Variants in PCCB observed in about 807,000 individuals in gnomAD.
PCCB encodes the protein propionyl-CoA carboxylase beta chain, mitochondrial.
Under a neutral mutation model 60.7 loss-of-function variants are expected in PCCB, and 43 were observed. That is an observed-to-expected ratio of 0.71 (90% CI 0.55 to 0.91). PCCB has a LOEUF of 0.91. Ranked by LOEUF, PCCB falls within the 40% of genes least tolerant of loss-of-function variation. The probability of loss-of-function intolerance (pLI) is 0.00; values close to 1 mark genes in which losing one functional copy is unlikely to be tolerated. For synonymous variants in PCCB, 276 were observed against 255.9 expected, an observed-to-expected ratio of 1.08 and a Z score of -0.75; for missense variants, 766 against 702.8, an observed-to-expected ratio of 1.09 and a Z score of -1.02.
At chr3:136,326,100 C>A (rs1160963626) in intron 10 of PCCB, among the ~76,000 whole-genome samples, 1 of 152,224 alleles carries the variant, frequency 6.6e-6, no homozygotes, top group Non-Finnish European at 1.5e-5. Context: ...TCATGAGCCA[C>A]CGCGCCTGGC....
At chr3:136,254,322 G>A (rs749628692) in intron 1 of PCCB, among the ~76,000 whole-genome samples, 6 of 151,678 alleles carry the variant, frequency 4.0e-5, no homozygotes, top group Non-Finnish European at 5.9e-5. Context: ...GGGTTCAAGC[G>A]ATTCTCTTGC....
intron 9 of PCCB, among the ~76,000 whole-genome samples, chr3:136,312,103 T>A (rs190767891): frequency 1.4e-4 from 21 of 152,294 alleles, no homozygotes; most frequent in African/African-American, 5.1e-4. Context: ...TGGAATAGAA[T>A]AAAAGAGCCA....
chr3:136,253,080 A>AG (rs1941562374), intron 1 of PCCB, among the ~76,000 whole-genome samples: 2 of 68,300 alleles, frequency 2.9e-5, no homozygotes, highest in African/African-American at 5.7e-5. Flanking sequence ...CAAGCAATGG[A>AG]GGTTTTTTTT....
intron 5 of PCCB, among the ~76,000 whole-genome samples, chr3:136,268,098 A>ATG (rs1283713299): frequency 0.017 from 1,956 of 115,432 alleles, 55 homozygotes; most frequent in Admixed American, 0.022. Context: ...ATATATATAT[A>ATG]TATATATATA....
intron 5 of PCCB, among the ~76,000 whole-genome samples, chr3:136,278,185 C>T (rs1172006530): frequency 6.6e-6 from 1 of 152,170 alleles, no homozygotes; most frequent in Non-Finnish European, 1.5e-5. Flanking sequence ...CTCCCTAAAT[C>T]AGTCCCAGCC....
chr3:136,264,477 G>A (rs1941924189), intron 5 of PCCB, among the ~76,000 whole-genome samples: 2 of 121,168 alleles, frequency 1.7e-5, no homozygotes, highest in South Asian at 2.5e-4. Flanking sequence ...TCCTGGCCAG[G>A]ATCCAATCCA....
intron 5 of PCCB, among the ~76,000 whole-genome samples, chr3:136,277,538 G>T (rs1446932739): frequency 1.3e-5 from 2 of 151,986 alleles, no homozygotes; most frequent in African/African-American, 4.8e-5. Flanking sequence ...CAGCCAGGTG[G>T]GGGCTGGGTC....
intron 1 of PCCB, among the ~76,000 whole-genome samples, chr3:136,253,644 C>T (rs557318694): frequency 6.6e-6 from 1 of 151,302 alleles, no homozygotes. Context: ...CTCGGCCTCC[C>T]AAAGTGCTGG....
chr3:136,319,618 G>A (rs1175846102), intron 10 of PCCB, among the ~76,000 whole-genome samples: 2 of 152,208 alleles, frequency 1.3e-5, no homozygotes, highest in East Asian at 1.9e-4. Context: ...GGCTGGTCTC[G>A]AACTCCTGAC....
At chr3:136,286,963 G>A (rs912048096) in intron 6 of PCCB, among the ~76,000 whole-genome samples, 5 of 151,578 alleles carry the variant, frequency 3.3e-5, no homozygotes, top group South Asian at 2.1e-4. Context: ...CCTGAGAGGC[G>A]GAGGTTGCAG....
Position 136,250,366 on chromosome 3 carries a change from C to T in PCCB, c.-10C>T, listed in dbSNP as rs941297817. On this transcript the variant is annotated 5_prime_UTR_variant, in exon 1 of 15. Transcript: ENST00000251654. ...GGTGCGCCGGTAGGGGACGCGCCGGCACAGCAAAAATGGCGGCGGCATTAC... is the reference window on the plus strand; with the variant it reads ...GGTGCGCCGGTAGGGGACGCGCCGGTACAGCAAAAATGGCGGCGGCATTAC... 6.6e-7 allele frequency: 1 copy of T among 1,516,034 alleles called. No homozygotes were observed. Among genetic ancestry groups the T allele is most frequent in the South Asian group, 1.3e-5 (1 of 77,844 alleles). The allele number at this position is 1,516,034 out of a possible 1,614,324, so 93.9% of individuals were successfully genotyped here.
At chr3:136,301,757 T>C (rs1934293421) in intron 9 of PCCB, among the ~76,000 whole-genome samples, 2 of 152,186 alleles carry the variant, frequency 1.3e-5, no homozygotes, top group Non-Finnish European at 2.9e-5. Context: ...TAGGGTTTGC[T>C]GTTTTCTGTT....
intron 6 of PCCB, among the ~76,000 whole-genome samples, chr3:136,284,256 C>A (rs939030109): frequency 1.3e-5 from 2 of 152,090 alleles, no homozygotes; most frequent in Non-Finnish European, 1.5e-5. Context: ...TTACTGAGTC[C>A]TATTCAAGAA....
Position 136,328,872 on chromosome 3 carries a change from T to C in PCCB, c.1498+15T>C, listed in dbSNP as rs1373027307. On this transcript the variant is annotated intron_variant, in intron 14 of 14. Transcript: ENST00000251654. ...AGCAGTGCGAGGTAGGGGACTGTGG[T>C]GAAGAGGGCAGCTTTGTTTGTTTGG... 6.3e-7 allele frequency: 1 copy of C among 1,575,306 alleles called. No individual in the cohort carries two copies. The highest frequency in any genetic ancestry group is 1.3e-5 in the African/African-American group (1 of 74,176).
chr3:136,274,478 G>T (rs1401713384), intron 5 of PCCB, among the ~76,000 whole-genome samples: 2 of 152,216 alleles, frequency 1.3e-5, no homozygotes, highest in Non-Finnish European at 2.9e-5. Flanking sequence ...TAAGGTTTCT[G>T]CTGAGAAATC....
chr3:136,285,857 C>T (rs1933378836), intron 6 of PCCB, among the ~76,000 whole-genome samples: 1 of 152,194 alleles, frequency 6.6e-6, no homozygotes, highest in Non-Finnish European at 1.5e-5. Context: ...CCTCTCTTGT[C>T]CTCAGCACCA....
intron 10 of PCCB, 21 bp downstream of exon 10, chr3:136,317,085 G>A: frequency 6.2e-7 from 1 of 1,614,014 alleles, no homozygotes. Flanking sequence ...GCTCTTATAA[G>A]CCTTGGTTTT....
Position 136,317,049 on chromosome 3 carries a change from C to A in PCCB, c.1075C>A (p.Pro359Thr). ...GRTVGIVGNQ[P>T]KVASGCLDIN... ...GACTGTTGGAATTGTTGGCAACCAA[C>A]CTAAGGTGGCCTCAGGTAGGATGGA... The change falls in exon 10 of 15, where the codon CCT becomes ACT. Residue 359 changes from proline to threonine, a missense_variant. Physicochemically the swap from Pro to Thr is conservative, Grantham distance 38. Transcript: ENST00000251654. The A allele has an allele frequency of 6.2e-7, 1 of 1,613,872 alleles. No individual in the cohort carries two copies.
chr3:136,319,579 G>A (rs4125861), intron 10 of PCCB, among the ~76,000 whole-genome samples: 11,243 of 152,076 alleles, frequency 0.074, 444 homozygotes, highest in Non-Finnish European at 0.094. Context: ...TGTATTTTTA[G>A]TAGAGACGGG....
Sources: gnomAD v4.1 joint callset for allele counts (sites outside exome capture counted in the v4.1 genomes callset) on GRCh38, gnomAD v4.1.1 for gene constraint, MANE v1.5 for transcripts, NCBI Gene and HGNC (gene_info 2026-07-23, HGNC 2026-07-21) for gene names.